FIG4: variants seen among roughly 807,000 people sequenced by gnomAD.
The protein encoded by FIG4 is polyphosphoinositide phosphatase.
In FIG4, 112 loss-of-function variants were observed where a neutral mutation model predicts 118.6. The observed-to-expected ratio is 0.94, with a 90% confidence interval of 0.81 to 1.11. The LOEUF is 1.11. Among genes scored for constraint, FIG4 ranks in the 50% least tolerant of loss-of-function variants. FIG4 has a pLI of 0.00. For synonymous variants in FIG4, 369 were observed against 381.2 expected, an observed-to-expected ratio of 0.97 and a Z score of 0.37; for missense variants, 969 against 1,111.7, an observed-to-expected ratio of 0.87 and a Z score of 1.83.
At chr6:109,727,078 A>T (rs1388603324) in intron 3 of FIG4, 31 bp from the exon 4 acceptor site, 2 of 1,554,160 alleles carry the variant, frequency 1.3e-6, no homozygotes, top group Non-Finnish European at 8.9e-7. Context: ...AAGTTTATAA[A>T]GCATATTTCT....
intron 12 of FIG4, 93 bp from the exon 13 acceptor site, chr6:109,763,844 T>G: frequency 1.1e-6 from 1 of 888,818 alleles, no homozygotes; most frequent in Non-Finnish European, 1.9e-6. Flanking sequence ...GCTCTATTAC[T>G]TTAATTCTAT....
At chr6:109,803,555 G>A (rs1027260544) in intron 22 of FIG4, among the ~76,000 whole-genome samples, 1 of 152,166 alleles carries the variant, frequency 6.6e-6, no homozygotes, top group East Asian at 1.9e-4. Flanking sequence ...TTAGATTAGA[G>A]AGATTCAATA....
chr6:109,740,459 T>C (rs1776289584), intron 7 of FIG4, among the ~76,000 whole-genome samples: 1 of 152,150 alleles, frequency 6.6e-6, no homozygotes. Context: ...TTACTTCACC[T>C]AGTCCTCCTG....
intron 15 of FIG4, 119 bp downstream of exon 15, chr6:109,767,014 C>T (rs372203042): frequency 2.5e-6 from 2 of 799,758 alleles, no homozygotes; most frequent in South Asian, 3.2e-5. Flanking sequence ...TTAAATAAAA[C>T]AGTCTGTCAC....
intron 15 of FIG4, among the ~76,000 whole-genome samples, chr6:109,775,296 A>G (rs918611201): frequency 6.6e-6 from 1 of 152,336 alleles, no homozygotes; most frequent in African/African-American, 2.4e-5. Flanking sequence ...AAGCTTAGTA[A>G]GTGACCGTAA....
intron 21 of FIG4, among the ~76,000 whole-genome samples, chr6:109,795,094 A>ATTTTTTTTTT (rs1562688787): frequency 5.2e-5 from 4 of 77,190 alleles, no homozygotes; most frequent in African/African-American, 1.6e-4. Flanking sequence ...TACACTTGCC[A>ATTTTTTTTTT]GTTTTTTTTT....
chr6:109,771,972 G>A (rs1214456568), intron 15 of FIG4, among the ~76,000 whole-genome samples: 1 of 152,058 alleles, frequency 6.6e-6, no homozygotes, highest in African/African-American at 2.4e-5. Context: ...TCCAGCCACA[G>A]TCCTATTTTT....
At chr6:109,745,749 C>T (rs749208031) in intron 10 of FIG4, among the ~76,000 whole-genome samples, 16 of 152,082 alleles carry the variant, frequency 1.1e-4, no homozygotes, top group Non-Finnish European at 2.1e-4. Context: ...CCTAGGTTTT[C>T]TTCTAGGGTT....
At chr6:109,808,815 A>G (rs879020479) in intron 22 of FIG4, among the ~76,000 whole-genome samples, 1 of 152,214 alleles carries the variant, frequency 6.6e-6, no homozygotes, top group Admixed American at 6.5e-5. Flanking sequence ...TTGAACACGT[A>G]TATCTACCAC....
At position 109,799,789 on chromosome 6, in the gene FIG4, C is replaced by T. The variant is rs771431563; in HGVS notation, c.2546+2938C>T. 1.0e-3 allele frequency among the ~76,000 whole-genome samples: 153 copies of T among 152,290 alleles called. 1 individual carries two copies. Among genetic ancestry groups the T allele is most frequent in the Non-Finnish European group, 1.9e-3 (132 of 68,030 alleles). ...ATGGGCAGCTGGACACTTTCAACCA[C>T]GGTCTTGCAGGACTTTGCTTAGAAG... is the stretch of plus-strand genomic sequence containing the variant. On this transcript the variant is annotated intron_variant, in intron 22 of 22. Transcript: ENST00000230124.
chr6:109,746,784 G>A (rs1426121687), intron 10 of FIG4, among the ~76,000 whole-genome samples: 1 of 152,128 alleles, frequency 6.6e-6, no homozygotes. Flanking sequence ...ATCGGTACAA[G>A]GCTAATGTCA....
rs545564015 is a variant in FIG4, at chr6:109,767,821, G to A, written c.1750+926G>A. On this transcript the variant is annotated intron_variant, in intron 15 of 22. Transcript: ENST00000230124. ...CCGGAGGCAGAGCTTGCAGCGAGCC[G>A]AGATCGCGCCACTGCACTCCAGCCT... 5.3e-5 allele frequency among the ~76,000 whole-genome samples: 8 copies of A among 152,222 alleles called. No homozygotes were observed. The South Asian group carries it at 8.3e-4, about 16-fold the overall frequency.
At chr6:109,775,508 T>G (rs1301343480) in intron 15 of FIG4, among the ~76,000 whole-genome samples, 1 of 152,230 alleles carries the variant, frequency 6.6e-6, no homozygotes, top group Non-Finnish European at 1.5e-5. Flanking sequence ...CTTCTCTAGA[T>G]TATATTAAGA....
chr6:109,808,865 A>G (rs1050690763), intron 22 of FIG4, among the ~76,000 whole-genome samples: 1 of 152,176 alleles, frequency 6.6e-6, no homozygotes, highest in Non-Finnish European at 1.5e-5. Context: ...GATCAGTAGC[A>G]GTCTTAACAA....
In FIG4 at chr6:109,792,585, G is replaced by A; in HGVS notation, c.2380G>A (p.Val794Met). 1 of 1,573,244 alleles carries A rather than the reference G, an allele frequency of 6.4e-7. No homozygotes were observed. The highest frequency in any genetic ancestry group is 8.7e-7 in the Non-Finnish European group (1 of 1,145,124). ...CTTTTTTTTTTTTAAACCCCAGAATGTGGTCCAACCCATGAAGGAGCTATA... is the reference window on the plus strand; with the variant it reads ...CTTTTTTTTTTTTAAACCCCAGAATATGGTCCAACCCATGAAGGAGCTATA... ...AGDSAKVTEN[V>M]VQPMKELYGI... The change falls in exon 21 of 23, where the codon GTG (valine) becomes ATG (methionine). Residue 794 changes from valine (V) to methionine (M), a missense_variant. By Grantham distance (21) the Val-to-Met change is conservative. This residue lies in a region of FIG4 where 330 missense variants were observed against 348.1 expected (regional missense o/e 0.95). Transcript: ENST00000230124.
At chr6:109,779,625 G>A (rs949442410) in intron 16 of FIG4, among the ~76,000 whole-genome samples, 2 of 152,050 alleles carry the variant, frequency 1.3e-5, no homozygotes, top group African/African-American at 2.4e-5. Context: ...ATTTTTTGGT[G>A]TCAGGGGAAG....
At chr6:109,783,247 C>T (rs542239572) in intron 16 of FIG4, among the ~76,000 whole-genome samples, 6 of 152,018 alleles carry the variant, frequency 3.9e-5, no homozygotes, top group Non-Finnish European at 5.9e-5. Context: ...CTGCACGTTC[C>T]GCACATGTAC....
intron 3 of FIG4, among the ~76,000 whole-genome samples, chr6:109,726,166 C>G (rs910938364): frequency 4.6e-5 from 7 of 152,002 alleles, no homozygotes; most frequent in African/African-American, 7.2e-5. Context: ...AGACATGAAG[C>G]CTTTGTCCAT....
At chr6:109,738,838 A>C (rs1428028643) in intron 7 of FIG4, among the ~76,000 whole-genome samples, 1 of 152,126 alleles carries the variant, frequency 6.6e-6, no homozygotes, top group East Asian at 1.9e-4. Context: ...CCGAGCAGAG[A>C]GAGAGAGATC....
Sources: allele counts gnomAD v4.1 joint callset (sites outside exome capture counted in the v4.1 genomes callset), GRCh38; gene constraint gnomAD v4.1.1; regional missense constraint gnomAD v4.1.1; transcripts MANE v1.5; gene names NCBI Gene and HGNC (gene_info 2026-07-23, HGNC 2026-07-21).